The following KIF13A variants were observed in gnomAD, a reference collection of about 807,000 sequenced individuals.
KIF13A encodes kinesin-like protein KIF13A.
In KIF13A, 79 loss-of-function variants were observed where a neutral mutation model predicts 212.2. The ratio of observed to expected loss-of-function variants is 0.37; its 90% CI spans 0.31 to 0.45. The LOEUF (loss-of-function observed/expected upper bound fraction) is 0.45, where lower values mean the gene tolerates loss of function less well. Among genes scored for constraint, KIF13A ranks in the 20% least tolerant of loss-of-function variants. The pLI, the probability that KIF13A is intolerant of heterozygous loss-of-function variation, is 1.00. For missense variants in KIF13A, 1,901 were observed against 2,209.0 expected, an observed-to-expected ratio of 0.86 and a Z score of 2.79; for synonymous variants, 789 against 808.6, an observed-to-expected ratio of 0.98 and a Z score of 0.41.
chr6:17,833,626 C>T (rs1765655940), intron 12 of KIF13A, among the ~76,000 whole-genome samples: 1 of 151,806 alleles, frequency 6.6e-6, no homozygotes, highest in Non-Finnish European at 1.5e-5. Flanking sequence ...GAGGCTGCGG[C>T]TGGCAGATCA....
Position 17,804,215 on chromosome 6 carries a change from G to A in KIF13A, c.2454+146C>T, listed in dbSNP as rs1762736006. The A allele has an allele frequency of 1.2e-5, 7 of 608,416 alleles. No individual in the cohort carries two copies. The South Asian group carries it at 2.3e-4, about 20-fold the overall frequency. 37.7% of individuals were successfully genotyped at this position (608,416 alleles called of 1,614,324 possible). The stretch of plus-strand genomic sequence containing the variant: ...TCAAAGCTTCTAATATCGATTATTA[G>A]TAGAGAAAAAAGAATGCAGACCTTG... On this transcript the variant is annotated intron_variant, in intron 20 of 38. Transcript: ENST00000259711.
At chr6:17,921,535 A>T (rs1775069884) in intron 2 of KIF13A, among the ~76,000 whole-genome samples, 1 of 152,214 alleles carries the variant, frequency 6.6e-6, no homozygotes, top group African/African-American at 2.4e-5. Context: ...ATAAATGCAA[A>T]CAGCTGAGCT....
chr6:17,931,134 A>G (rs1484380868), intron 2 of KIF13A, among the ~76,000 whole-genome samples: 1 of 152,210 alleles, frequency 6.6e-6, no homozygotes, highest in Non-Finnish European at 1.5e-5. Context: ...AAACTGTGAG[A>G]GCTTTCACAT....
intron 9 of KIF13A, among the ~76,000 whole-genome samples, chr6:17,846,442 T>C (rs1263557200): frequency 6.6e-6 from 1 of 151,974 alleles, no homozygotes; most frequent in African/African-American, 2.4e-5. Context: ...TAGTAAGGAA[T>C]ACACACATCC....
At chr6:17,909,883 C>T (rs1337165420) in intron 2 of KIF13A, among the ~76,000 whole-genome samples, 1 of 150,298 alleles carries the variant, frequency 6.7e-6, no homozygotes. Context: ...GACTCCGTCT[C>T]AAAACAAAAA....
chr6:17,771,868 C>G lies in KIF13A; in HGVS notation c.4476+40G>C. The G allele has an allele frequency of 1.9e-6, 3 of 1,601,548 alleles. No individual in the cohort carries two copies. Among genetic ancestry groups the G allele is most frequent in the East Asian group, 2.2e-5 (1 of 44,766 alleles). The stretch of plus-strand genomic sequence containing the variant: ...CTGCTGCTTCACAGGTGACACAACT[C>G]TGCTCTATTCTGCATAGTACAGACA... On this transcript the variant is annotated intron_variant, in intron 37 of 38. Coordinates refer to ENST00000259711, the MANE Select transcript of KIF13A (RefSeq NM_022113.6). The surrounding 1 kb of genome is among the most constrained non-coding windows in gnomAD (Gnocchi z 5.4).
chr6:17,762,174 G>T (rs1184693620), downstream of KIF13A, among the ~76,000 whole-genome samples: 1 of 151,716 alleles, frequency 6.6e-6, no homozygotes, highest in Non-Finnish European at 1.5e-5. Flanking sequence ...AGAATAGCTG[G>T]AACTACAGGT....
chr6:17,940,242 T>C (rs1254711289), intron 2 of KIF13A, among the ~76,000 whole-genome samples: 1 of 152,004 alleles, frequency 6.6e-6, no homozygotes, highest in Non-Finnish European at 1.5e-5. Context: ...ATCAGCACAA[T>C]GCTTCTTAAA....
chr6:17,939,790 C>T (rs1776788806), intron 2 of KIF13A, among the ~76,000 whole-genome samples: 1 of 152,120 alleles, frequency 6.6e-6, no homozygotes, highest in African/African-American at 2.4e-5. Context: ...TAGTGGCTCA[C>T]GCTTCTAATC....
Position 17,777,177 on chromosome 6 carries a change from GT to G in KIF13A, c.4170+99del. ...GCTACACTTTGGGATGCCCACACCAGTTCCATAAGCTCTACTGCCACTGTGT... is the reference window on the plus strand; with the variant it reads ...GCTACACTTTGGGATGCCCACACCAGTCCATAAGCTCTACTGCCACTGTGT... On this transcript the variant is annotated intron_variant, in intron 34 of 38. Coordinates refer to ENST00000259711, the MANE Select transcript of KIF13A (RefSeq NM_022113.6). The surrounding 1 kb of genome is among the most constrained non-coding windows in gnomAD (Gnocchi z 4.4). The G allele has an allele frequency of 3.3e-6, 3 of 916,438 alleles. No homozygotes were observed. The South Asian group carries it at 4.2e-5, about 13-fold the overall frequency. 56.8% of individuals were successfully genotyped at this position (916,438 alleles called of 1,614,324 possible).
chr6:17,763,657 C>G, downstream of KIF13A: 1 of 193,846 alleles, frequency 5.2e-6, no homozygotes, highest in Non-Finnish European at 9.9e-6. Flanking sequence ...TTTCTCTCCA[C>G]ACTTTACCAT....
rs1485495602 is a variant in KIF13A, at chr6:17,968,026, C to A, written c.146+19028G>T. Among the ~76,000 whole-genome samples, 1 of 152,124 alleles carries A rather than the reference C, an allele frequency of 6.6e-6. No individual in the cohort carries two copies. Among genetic ancestry groups the A allele is most frequent in the Non-Finnish European group, 1.5e-5 (1 of 68,028 alleles). On this transcript the variant is annotated intron_variant, in intron 2 of 38. Transcript: ENST00000259711. This position sits in a 1 kb window ranked among gnomAD's most constrained non-coding sequence, Gnocchi z 4.7. ...CCAATGTACATTCTTGGACGGCATA[C>A]TGAGAATTGCCCACAATGCTGAGAA...
chr6:17,797,195 A>AT (rs1194106560), intron 22 of KIF13A, among the ~76,000 whole-genome samples: 1 of 151,754 alleles, frequency 6.6e-6, no homozygotes, highest in African/African-American at 2.4e-5. Flanking sequence ...ACGCCCGGCT[A>AT]TTTTTTTGTA....
At chr6:17,800,464 T>G (rs1271826261) in intron 20 of KIF13A, among the ~76,000 whole-genome samples, 2 of 151,716 alleles carry the variant, frequency 1.3e-5, no homozygotes, top group Non-Finnish European at 2.9e-5. Flanking sequence ...CAAGATGGAG[T>G]CTTGCTCTGT....
At chr6:17,862,816 C>A (rs183283643) in intron 4 of KIF13A, among the ~76,000 whole-genome samples, 1 of 152,040 alleles carries the variant, frequency 6.6e-6, no homozygotes, top group Admixed American at 6.6e-5. Flanking sequence ...GGCATGGTGG[C>A]GGGTGCCTGT....
chr6:17,944,971 A>G (rs567853808), intron 2 of KIF13A, among the ~76,000 whole-genome samples: 21 of 152,316 alleles, frequency 1.4e-4, no homozygotes, highest in African/African-American at 4.6e-4. Flanking sequence ...AGAGAATGCA[A>G]CTTAAAATGA....
chr6:17,858,087 G>A (rs1262854749), intron 4 of KIF13A, among the ~76,000 whole-genome samples: 2 of 138,458 alleles, frequency 1.4e-5, no homozygotes, highest in East Asian at 4.0e-4. Context: ...AGTTATGTGT[G>A]TGTGTGTGTG....
chr6:17,976,634 C>T (rs908462307), intron 2 of KIF13A, among the ~76,000 whole-genome samples: 1 of 152,184 alleles, frequency 6.6e-6, no homozygotes, highest in Non-Finnish European at 1.5e-5. Flanking sequence ...AAGGGGATCC[C>T]ACAGTGCAGC....
rs1774154550 is a variant in KIF13A at position 17,912,400 on chromosome 6, A to G, written c.147-14220T>C. On this transcript the variant is annotated intron_variant, in intron 2 of 38. Coordinates refer to ENST00000259711, the MANE Select transcript of KIF13A (RefSeq NM_022113.6). This position sits in a 1 kb window ranked among gnomAD's most constrained non-coding sequence, Gnocchi z 4.2. ...ATCACCCAAACTGGGAGTGATCTTG[A>G]TAACAGCATCAGCCTGCCTGACCTT... Among the ~76,000 whole-genome samples the G allele has an allele frequency of 6.6e-6, 1 of 152,222 alleles. No individual in the cohort carries two copies. The highest frequency in any genetic ancestry group is 1.5e-5 in the Non-Finnish European group (1 of 68,038).
Sources: gnomAD v4.1 joint callset for allele counts (sites outside exome capture counted in the v4.1 genomes callset) on GRCh38, gnomAD v4.1.1 for gene constraint, Gnocchi (gnomAD v3.1) non-coding constraint, MANE v1.5 for transcripts, NCBI Gene and HGNC (gene_info 2026-07-23, HGNC 2026-07-21) for gene names.